Variants in PALM3 observed in about 807,000 individuals in gnomAD.
PALM3 encodes paralemmin-3.
Under a neutral mutation model 27.9 loss-of-function variants are expected in PALM3, and 20 were observed. That is an observed-to-expected ratio of 0.72 (90% CI 0.50 to 1.04). The LOEUF (loss-of-function observed/expected upper bound fraction) is 1.04. PALM3 is among the 50% of genes least tolerant of loss of function. PALM3 has a pLI of 0.00. For synonymous variants in PALM3, 328 were observed against 352.7 expected, an observed-to-expected ratio of 0.93 and a Z score of 0.79; for missense variants, 814 against 869.4, an observed-to-expected ratio of 0.94 and a Z score of 0.80.
chr19:14,055,595 A>G (rs1264144545), intron 5 of PALM3, among the ~76,000 whole-genome samples, 170 bp from the exon 6 acceptor site: 2 of 151,222 alleles, frequency 1.3e-5, no homozygotes, highest in Admixed American at 6.6e-5. Context: ...TTATTGCCCT[A>G]TGTTCCAGGG....
Position 14,054,297 on chromosome 19 carries a change from C to G in PALM3, c.1375G>C (p.Gly459Arg). ...LESRGSAEKLGTEREGGEEPL... is the reference protein window; with the variant it reads ...LESRGSAEKLRTEREGGEEPL... The stretch of plus-strand genomic sequence containing the variant: ...TCCTCACCTCCTTCCCTCTCTGTTC[C>G]CAGCTTTTCTGCACTTCCTCTGCTC... Residue 459 changes from glycine (G) to arginine (R), a missense_variant, in exon 7 of 7, where the codon GGA becomes CGA. Physicochemically the swap from Gly to Arg is moderately radical, Grantham distance 125. Coordinates refer to ENST00000669674, the MANE Select transcript of PALM3 (RefSeq NM_001145028.2). The G allele has an allele frequency of 1.3e-6, 2 of 1,552,248 alleles. No individual in the cohort carries two copies. The highest frequency in any genetic ancestry group is 8.7e-7 in the Non-Finnish European group (1 of 1,147,128).
chr19:14,059,922 A>T (rs1378508349), intron 1 of PALM3, among the ~76,000 whole-genome samples: 1 of 151,978 alleles, frequency 6.6e-6, no homozygotes, highest in East Asian at 1.9e-4. Context: ...CTTCCTCAAA[A>T]CATCTCTACT....
Position 14,057,514 on chromosome 19 carries a change from C to T in PALM3, c.91-83G>A, listed in dbSNP as rs7250611. 0.033 allele frequency: 38,931 copies of T among 1,179,612 alleles called. 4,703 individuals carry two copies. The African/African-American group carries it at 0.35, about 11-fold the overall frequency. The allele number at this position is 1,179,612 out of a possible 1,614,324, so 73.1% of individuals were successfully genotyped here. On this transcript the variant is annotated intron_variant, in intron 2 of 6. Coordinates refer to ENST00000669674, the MANE Select transcript of PALM3 (RefSeq NM_001145028.2). ...CTTCCCTCCCTTTCCCCTCCCTCCT[C>T]CGCGGGGCTCACCGGAGCTCCCGGG...
intron 1 of PALM3, among the ~76,000 whole-genome samples, chr19:14,060,906 G>A (rs774882874): frequency 8.5e-5 from 13 of 152,172 alleles, no homozygotes; most frequent in South Asian, 8.3e-4. Context: ...GATTACAGGC[G>A]TGCACCACCA....
Position 14,054,677 on chromosome 19 carries a change from T to A in PALM3, c.995A>T (p.Glu332Val), listed in dbSNP as rs1976264941. The change falls in exon 7 of 7, where the codon GAA (glutamate) becomes GTA (valine). Residue 332 changes from glutamate (E) to valine (V), a missense_variant. Physicochemically the swap from Glu to Val is moderately radical, Grantham distance 121. Transcript: ENST00000669674. Reference sequence around the variant, plus strand: ...GCTGCCCTGGGGCACATCTTCCCCTTCTATGGAAGCTGCTGCCTCTAATCT... The same window carrying A: ...GCTGCCCTGGGGCACATCTTCCCCTACTATGGAAGCTGCTGCCTCTAATCT... ...QERLEAAASI[E>V]GEDVPQGSPE... 2.6e-6 allele frequency: 4 copies of A among 1,551,250 alleles called. No individual in the cohort carries two copies.
Position 14,053,477 on chromosome 19 carries a change from A to T in PALM3, c.*128T>A. Reference sequence around the variant, plus strand: ...GAAGCCCAGGTTTAGGTGGACGTGCAGGCTAGCTGGCTCCCAGGTGCCATG... The same window carrying T: ...GAAGCCCAGGTTTAGGTGGACGTGCTGGCTAGCTGGCTCCCAGGTGCCATG... On this transcript the variant is annotated 3_prime_UTR_variant, in exon 7 of 7. Coordinates refer to ENST00000669674, the MANE Select transcript of PALM3 (RefSeq NM_001145028.2). The T allele has an allele frequency of 8.9e-7, 1 of 1,126,434 alleles. No individual in the cohort carries two copies. The highest frequency in any genetic ancestry group is 1.2e-6 in the Non-Finnish European group (1 of 837,704). 69.8% of individuals were successfully genotyped at this position (1,126,434 alleles called of 1,614,324 possible). A position where few individuals can be genotyped will look rare whatever the true frequency, so the allele number is the denominator to read the frequency against.
chr19:14,054,388 C>G lies in PALM3; in HGVS notation c.1284G>C (p.Gly428=). ...CTGGTGACATCTCCGCTTCATCCCTCCCTGTCCCTGGCTTTTCCTCACTTC... is the reference window on the plus strand; with the variant it reads ...CTGGTGACATCTCCGCTTCATCCCTGCCTGTCCCTGGCTTTTCCTCACTTC... ...GIGSEEKPGT[G]RDEAEMSPVV... is the part of the protein sequence containing the mutation. The change falls in exon 7 of 7, where the codon GGG becomes GGC. Residue 428 remains glycine, a synonymous_variant. Coordinates refer to ENST00000669674, the MANE Select transcript of PALM3 (RefSeq NM_001145028.2). The G allele has an allele frequency of 1.3e-6, 2 of 1,552,106 alleles. No homozygotes were observed.
intron 2 of PALM3, among the ~76,000 whole-genome samples, chr19:14,057,770 A>G (rs1976337167): frequency 6.6e-6 from 1 of 151,430 alleles, no homozygotes; most frequent in African/African-American, 2.4e-5. Flanking sequence ...GGAGGGGCAG[A>G]GCTGGGGAGC....
chr19:14,056,225 C>A (rs2145703356), intron 5 of PALM3, among the ~76,000 whole-genome samples: 1 of 152,304 alleles, frequency 6.6e-6, no homozygotes, highest in South Asian at 2.1e-4. Context: ...GTTGTTATTC[C>A]CATTTTAGAG....
chr19:14,055,127 A>G lies in PALM3; in HGVS notation c.545T>C (p.Leu182Pro). 1 of 1,551,522 alleles carries G rather than the reference A, an allele frequency of 6.4e-7. No individual in the cohort carries two copies. The highest frequency in any genetic ancestry group is 8.7e-7 in the Non-Finnish European group (1 of 1,146,966). Residue 182 changes from leucine (L) to proline (P), a missense_variant, in exon 7 of 7, where the codon CTG (leucine) becomes CCG (proline). Leu to Pro is a moderately conservative substitution (Grantham distance 98). Coordinates refer to ENST00000669674, the MANE Select transcript of PALM3 (RefSeq NM_001145028.2). ...CCCGGGGACCTGCCTCGGGCCTGGCAGAAACCCCAAGACATCCTCCCTGGG... is the reference window on the plus strand; with the variant it reads ...CCCGGGGACCTGCCTCGGGCCTGGCGGAAACCCCAAGACATCCTCCCTGGG... The part of the protein sequence containing the change: ...SEPREDVLGF[L>P]PGPRQVPGAA...
intron 1 of PALM3, among the ~76,000 whole-genome samples, chr19:14,060,783 C>T (rs991613293): frequency 2.0e-5 from 3 of 151,906 alleles, no homozygotes; most frequent in Non-Finnish European, 2.9e-5. Context: ...TTTTTTGAGT[C>T]GGAGTCTCGC....
At chr19:14,056,537 G>A in intron 4 of PALM3, 24 bp from the exon 5 acceptor site, 2 of 1,549,456 alleles carry the variant, frequency 1.3e-6, no homozygotes, top group Non-Finnish European at 1.7e-6. Flanking sequence ...AGGGCTGCTA[G>A]GAGCTGGGCC....
intron 1 of PALM3, 24 bp downstream of exon 1, chr19:14,061,916 C>T (rs36014207): frequency 0.4 from 394,170 of 983,268 alleles, 80,103 homozygotes; most frequent in Non-Finnish European, 0.41. Flanking sequence ...GCCCACCAGC[C>T]CCCCTGACCC....
rs1362500508 is a variant in PALM3, at chr19:14,056,448, C to T, written c.380G>A (p.Arg127Lys). Reference sequence around the variant, plus strand: ...CCTCACCTGTCTGCGCCAGCTGGGCCTGCCTGAGGGCTTGTGCTGGGCACC... The same window carrying T: ...CCTCACCTGTCTGCGCCAGCTGGGCTTGCCTGAGGGCTTGTGCTGGGCACC... ...STGAQHKPSG[R>K]PSWRRQGHRP... Residue 127 changes from arginine (R) to lysine (K), a missense_variant, in exon 5 of 7, where the codon AGG becomes AAG. Physicochemically the swap from Arg to Lys is conservative, Grantham distance 26. Transcript: ENST00000669674. 1 of 1,551,610 alleles carries T rather than the reference C, an allele frequency of 6.4e-7. No individual in the cohort carries two copies. The highest frequency in any genetic ancestry group is 1.2e-5 in the South Asian group (1 of 84,044).
Position 14,054,601 on chromosome 19 carries a change from A to G in PALM3, c.1071T>C (p.Ile357=). The change falls in exon 7 of 7, where the codon ATT becomes ATC. Residue 357 remains isoleucine (I), a synonymous_variant. Transcript: ENST00000669674. ...GGSGGEEGSF[I]WVERVTLSEE... ...CACTGAGGGTCACTCTCTCCACCCAAATGAAGGATCCCTCCTCTCCTCCAG... is the reference window on the plus strand; with the variant it reads ...CACTGAGGGTCACTCTCTCCACCCAGATGAAGGATCCCTCCTCTCCTCCAG... 6.4e-7 allele frequency: 1 copy of G among 1,551,516 alleles called. No individual in the cohort carries two copies. Among genetic ancestry groups the G allele is most frequent in the Non-Finnish European group, 8.7e-7 (1 of 1,146,920 alleles).
At position 14,057,343 on chromosome 19, in the gene PALM3, C is replaced by A. The variant is rs558237407; in HGVS notation, c.171+8G>T. 8.6e-5 allele frequency: 132 copies of A among 1,540,128 alleles called. No individual in the cohort carries two copies. In the South Asian group the frequency reaches 1.5e-3, roughly 18 times the overall value. ...CAGGCTAGGCAGGCGCCCCCGCCCGCCCCCAACCTTGAGACGCTCCACGCG... is the reference window on the plus strand; with the variant it reads ...CAGGCTAGGCAGGCGCCCCCGCCCGACCCCAACCTTGAGACGCTCCACGCG... On this transcript the variant is annotated splice_region_variant and intron_variant, in intron 3 of 6. Coordinates refer to ENST00000669674, the MANE Select transcript of PALM3 (RefSeq NM_001145028.2).
chr19:14,057,009 A>C, intron 3 of PALM3: 1 of 610,580 alleles, frequency 1.6e-6, no homozygotes, highest in South Asian at 2.1e-5. Flanking sequence ...TTCCAAAATG[A>C]AACGGGCACT....
At chr19:14,057,622 T>A in intron 2 of PALM3, 191 bp from the exon 3 acceptor site, 2 of 135,044 alleles carry the variant, frequency 1.5e-5, no homozygotes, top group Non-Finnish European at 1.5e-5. Flanking sequence ...AGGCGCTGAC[T>A]CAGCGGCGGG....
chr19:14,054,387 T>C lies in PALM3; in HGVS notation c.1285A>G (p.Arg429Gly). The change falls in exon 7 of 7, where the codon AGG (arginine) becomes GGG (glycine). Residue 429 changes from arginine to glycine, a missense_variant. Arg to Gly is a moderately radical substitution (Grantham distance 125, BLOSUM62 -2). Coordinates refer to ENST00000669674, the MANE Select transcript of PALM3 (RefSeq NM_001145028.2). The part of the protein sequence containing the change: ...IGSEEKPGTG[R>G]DEAEMSPVVE... The stretch of plus-strand genomic sequence containing the variant: ...ACTGGTGACATCTCCGCTTCATCCC[T>C]CCCTGTCCCTGGCTTTTCCTCACTT... 6.4e-7 allele frequency: 1 copy of C among 1,552,016 alleles called. No individual in the cohort carries two copies. Among genetic ancestry groups the C allele is most frequent in the Non-Finnish European group, 8.7e-7 (1 of 1,147,014 alleles).
Sources: gnomAD v4.1 joint callset for allele counts (sites outside exome capture counted in the v4.1 genomes callset) on GRCh38, gnomAD v4.1.1 for gene constraint, MANE v1.5 for transcripts, NCBI Gene and HGNC (gene_info 2026-07-23, HGNC 2026-07-21) for gene names.